CNTN4: variants seen among roughly 807,000 people sequenced by gnomAD.
The protein encoded by CNTN4 is contactin-4.
In CNTN4, 77 loss-of-function variants were observed where a neutral mutation model predicts 122.5. That is an observed-to-expected ratio of 0.63 (90% confidence interval 0.52 to 0.76). The LOEUF (loss-of-function observed/expected upper bound fraction) is 0.76. Ranked by LOEUF, CNTN4 falls within the 30% of genes least tolerant of loss-of-function variation. The pLI is 0.00. For synonymous variants in CNTN4, 512 were observed against 447.0 expected, an observed-to-expected ratio of 1.15 and a Z score of -1.83; for missense variants, 1,256 against 1,259.1, an observed-to-expected ratio of 1.00 and a Z score of 0.04.
chr3:2,229,496 G>A (rs1346486936), intron 2 of CNTN4, among the ~76,000 whole-genome samples: 1 of 152,134 alleles, frequency 6.6e-6, no homozygotes, highest in Non-Finnish European at 1.5e-5. Context: ...TAATTATGCA[G>A]TGCTAAACAT....
intron 4 of CNTN4, among the ~76,000 whole-genome samples, chr3:2,700,232 A>G (rs2086282535): frequency 6.6e-6 from 1 of 152,216 alleles, no homozygotes; most frequent in Non-Finnish European, 1.5e-5. Context: ...TAGAGATGTA[A>G]TAACCTTATG....
chr3:2,473,580 T>C (rs1350940808), intron 3 of CNTN4, among the ~76,000 whole-genome samples: 1 of 152,196 alleles, frequency 6.6e-6, no homozygotes, highest in African/African-American at 2.4e-5. Flanking sequence ...GGTTAACATA[T>C]TGAATTGCAC....
At chr3:2,670,688 T>C (rs1016049231) in intron 4 of CNTN4, among the ~76,000 whole-genome samples, 1 of 152,212 alleles carries the variant, frequency 6.6e-6, no homozygotes, top group Non-Finnish European at 1.5e-5. Flanking sequence ...CTTCCTAGCC[T>C]CGATGGTCTT....
At chr3:2,918,095 G>A (rs1481861300) in intron 12 of CNTN4, among the ~76,000 whole-genome samples, 1 of 152,182 alleles carries the variant, frequency 6.6e-6, no homozygotes, top group African/African-American at 2.4e-5. Context: ...CAAAATATAT[G>A]CTCTCATTGC....
intron 3 of CNTN4, among the ~76,000 whole-genome samples, chr3:2,521,567 GCTATTA>G (rs2077220851): frequency 6.6e-6 from 1 of 152,068 alleles, no homozygotes; most frequent in African/African-American, 2.4e-5. Flanking sequence ...ACTGCAAAGT[GCTATTA>G]CTATTAAAGA....
At chr3:2,440,230 C>G (rs1233962627) in intron 3 of CNTN4, among the ~76,000 whole-genome samples, 4 of 152,118 alleles carry the variant, frequency 2.6e-5, no homozygotes, top group Non-Finnish European at 5.9e-5. Flanking sequence ...AACTGGAAAT[C>G]ATCATTCTCA....
intron 23 of CNTN4, among the ~76,000 whole-genome samples, chr3:3,046,314 G>A (rs1011296280): frequency 1.8e-4 from 27 of 152,116 alleles, no homozygotes; most frequent in African/African-American, 4.8e-5. Flanking sequence ...GCAACTCCAA[G>A]ACACATAATT....
At chr3:2,214,308 G>C (rs1475790012) in intron 2 of CNTN4, among the ~76,000 whole-genome samples, 1 of 152,168 alleles carries the variant, frequency 6.6e-6, no homozygotes, top group East Asian at 1.9e-4. Flanking sequence ...TCGGAGCAGT[G>C]GGGGGTTTGT....
At chr3:2,534,605 T>C (rs2077726736) in intron 3 of CNTN4, among the ~76,000 whole-genome samples, 1 of 151,834 alleles carries the variant, frequency 6.6e-6, no homozygotes, top group Non-Finnish European at 1.5e-5. Context: ...CTGGATTCCT[T>C]CTGGTCATTA....
At chr3:2,710,818 C>A (rs2087100897) in intron 4 of CNTN4, among the ~76,000 whole-genome samples, 1 of 152,182 alleles carries the variant, frequency 6.6e-6, no homozygotes, top group African/African-American at 2.4e-5. Flanking sequence ...TCTATTTGAA[C>A]CTTTGCTTGT....
At chr3:2,415,129 C>A (rs1169317076) in intron 3 of CNTN4, among the ~76,000 whole-genome samples, 2 of 152,128 alleles carry the variant, frequency 1.3e-5, no homozygotes. Flanking sequence ...TCTCAGTTGC[C>A]TTAAAAGAGT....
intron 8 of CNTN4, among the ~76,000 whole-genome samples, chr3:2,871,089 A>G (rs916497108): frequency 1.6e-4 from 24 of 152,162 alleles, no homozygotes; most frequent in African/African-American, 5.1e-4. Context: ...GTAAGGACAC[A>G]AGCCATGAGG....
At chr3:2,183,488 A>G (rs909608268) in intron 2 of CNTN4, among the ~76,000 whole-genome samples, 3 of 152,136 alleles carry the variant, frequency 2.0e-5, no homozygotes, top group African/African-American at 7.2e-5. Context: ...TGCCCAATAA[A>G]TTATTCCCGC....
intron 10 of CNTN4, among the ~76,000 whole-genome samples, chr3:2,895,931 G>A (rs1329531614): frequency 6.6e-6 from 1 of 152,314 alleles, no homozygotes; most frequent in East Asian, 1.9e-4. Context: ...TACTCGGGAG[G>A]CTGAGGCAGG....
rs192543406 is a variant in CNTN4, at chr3:2,548,932, G to A, written c.-88-22484G>A. ...TATTCCTAGGTATTTTATTCTCTTC[G>A]TAGCCATTGTGAATGGGAGTTAACT... On this transcript the variant is annotated intron_variant, in intron 3 of 24. Coordinates refer to ENST00000418658, the MANE Select transcript of CNTN4 (RefSeq NM_175607.3). Among the ~76,000 whole-genome samples, 421 of 151,964 alleles carry A rather than the reference G, an allele frequency of 2.8e-3. 12 individuals carry two copies. The highest frequency in any genetic ancestry group is 0.023 in the Admixed American group (353 of 15,254).
At chr3:2,730,271 A>G (rs1047329658) in intron 4 of CNTN4, among the ~76,000 whole-genome samples, 4 of 152,216 alleles carry the variant, frequency 2.6e-5, no homozygotes, top group Non-Finnish European at 5.9e-5. Context: ...ACAATGTTTT[A>G]AATAATTTTG....
At chr3:3,013,273 A>G (rs149785616) in intron 14 of CNTN4, among the ~76,000 whole-genome samples, 55 of 152,316 alleles carry the variant, frequency 3.6e-4, no homozygotes, top group African/African-American at 1.2e-3. Flanking sequence ...TTTCATGCCT[A>G]ATCAGTGCTG....
chr3:2,796,554 A>G (rs2092188898), intron 6 of CNTN4, among the ~76,000 whole-genome samples: 1 of 152,186 alleles, frequency 6.6e-6, no homozygotes, highest in South Asian at 2.1e-4. Flanking sequence ...ACACAAGCTA[A>G]ATATACTCCC....
In CNTN4 at chr3:2,928,854, TG is replaced by T. The variant is rs376314688; in HGVS notation, c.1358+3076del. ...AATATTTTAAAAATTAAAAAGGTTT[TG>T]TCTCATCTAACCATGTGGTGATATT... is the stretch of plus-strand genomic sequence containing the variant. On this transcript the variant is annotated intron_variant, in intron 13 of 24. Coordinates refer to ENST00000418658, the MANE Select transcript of CNTN4 (RefSeq NM_175607.3). 4.2e-4 allele frequency among the ~76,000 whole-genome samples: 64 copies of T among 152,344 alleles called. 1 individual carries two copies. In the East Asian group the frequency reaches 8.3e-3, roughly 20 times the overall value.
Sources: allele counts gnomAD v4.1 joint callset (sites outside exome capture counted in the v4.1 genomes callset), GRCh38; gene constraint gnomAD v4.1.1; transcripts MANE v1.5; gene names NCBI Gene and HGNC (gene_info 2026-07-23, HGNC 2026-07-21).